Variants in OR5B3 observed in about 807,000 individuals in gnomAD.
OR5B3 encodes olfactory receptor family 5 subfamily B member 3.
For synonymous variants in OR5B3, 150 were observed against 135.0 expected, an observed-to-expected ratio of 1.11 and a Z score of -0.77; for missense variants, 430 against 375.4, an observed-to-expected ratio of 1.15 and a Z score of -1.20.
rs369221985 is a variant in OR5B3 at position 58,402,693 on chromosome 11, A to C, written c.717T>G (p.Cys239Trp). ...TGCCGACTGCAATGAAATGAGAGGC[A>C]CAGGTGGACAAAGGCTTCTGGTATA... ...ASVYQKPLSTCASHFIAVGIF... is the reference protein window; with the variant it reads ...ASVYQKPLSTWASHFIAVGIF... The change falls in exon 2 of 2, where the codon TGT becomes TGG. Residue 239 changes from cysteine (C) to tryptophan (W), a missense_variant. Coordinates refer to ENST00000641865, the MANE Select transcript of OR5B3 (RefSeq NM_001005469.2). 3.7e-6 allele frequency: 6 copies of C among 1,613,952 alleles called. No individual in the cohort carries two copies. The South Asian group carries it at 6.6e-5, about 18-fold the overall frequency.
intron 1 of OR5B3, among the ~76,000 whole-genome samples, chr11:58,404,720 T>C (rs1278592304): frequency 2.0e-5 from 3 of 152,150 alleles, no homozygotes; most frequent in Non-Finnish European, 4.4e-5. Context: ...CCATTCTTTC[T>C]CTTATTACTG....
chr11:58,403,960 C>T (rs962293180), intron 1 of OR5B3, among the ~76,000 whole-genome samples: 3 of 151,968 alleles, frequency 2.0e-5, no homozygotes, highest in Admixed American at 2.0e-4. Context: ...ACTTTTGAAC[C>T]CATGCTGAAT....
At chr11:58,405,334 C>T (rs938642575) in intron 1 of OR5B3, among the ~76,000 whole-genome samples, 1 of 152,108 alleles carries the variant, frequency 6.6e-6, no homozygotes, top group African/African-American at 2.4e-5. Context: ...AAGACAAATA[C>T]ATATGGTCAA....
chr11:58,406,199 G>C (rs1395752407), intron 1 of OR5B3, among the ~76,000 whole-genome samples: 2 of 151,718 alleles, frequency 1.3e-5, no homozygotes, highest in South Asian at 2.1e-4. Context: ...GAGAGAGAAA[G>C]AGAGAGAGAG....
chr11:58,405,693 A>G (rs1855089948), intron 1 of OR5B3, among the ~76,000 whole-genome samples: 1 of 152,120 alleles, frequency 6.6e-6, no homozygotes, highest in Non-Finnish European at 1.5e-5. Context: ...ACAGCTAATC[A>G]CCATGGCACA....
Position 58,402,478 on chromosome 11 carries a change from C to T in OR5B3, c.932G>A (p.Gly311Glu), listed in dbSNP as rs1248575976. The T allele has an allele frequency of 3.1e-6, 5 of 1,600,130 alleles. No individual in the cohort carries two copies. The highest frequency in any genetic ancestry group is 1.7e-5 in the Admixed American group (1 of 59,924). ...KVVEKAKLSV[G>E]WSV is the part of the protein sequence containing the mutation. ...CATCCCACAATGTTAAACTGACCAT[C>T]CTACAGACAATTTTGCCTTCTCAAC... The change falls in exon 2 of 2, where the codon GGA (glycine) becomes GAA (glutamate). Residue 311 changes from glycine (G) to glutamate (E), a missense_variant. By Grantham distance (98) the Gly-to-Glu change is moderately conservative. Transcript: ENST00000641865.
intron 1 of OR5B3, among the ~76,000 whole-genome samples, chr11:58,404,895 T>C (rs1044249525): frequency 1.3e-5 from 2 of 152,232 alleles, no homozygotes; most frequent in African/African-American, 4.8e-5. Context: ...TTTATTTTAA[T>C]GTTTTAAAAT....
At chr11:58,405,740 G>A (rs186101725) in intron 1 of OR5B3, among the ~76,000 whole-genome samples, 168 of 152,128 alleles carry the variant, frequency 1.1e-3, no homozygotes, top group Non-Finnish European at 1.6e-3. Flanking sequence ...TCCTGCACAC[G>A]TAGCCCTGAA....
Position 58,402,637 on chromosome 11 carries a change from A to C in OR5B3, c.773T>G (p.Leu258Ter). The C allele has an allele frequency of 6.2e-7, 1 of 1,614,014 alleles. No individual in the cohort carries two copies. The highest frequency in any genetic ancestry group is 8.5e-7 in the Non-Finnish European group (1 of 1,179,928). Residue 258 changes from leucine (L) to a stop codon, truncating the protein, a stop_gained, in exon 2 of 2, where the codon TTA becomes TGA. Transcript: ENST00000641865. LOFTEE classifies it low-confidence loss of function (END_TRUNC). ...IFYGTIIFMY[L>*]QPSSSHSMDT... ...CATGGAGTGACTGGAGCTGGGTTGT[A>C]AGTACATGAAGATAATAGTCCCATA... is the stretch of plus-strand genomic sequence containing the variant.
chr11:58,406,105 A>G (rs930080747), intron 1 of OR5B3, among the ~76,000 whole-genome samples: 1 of 152,176 alleles, frequency 6.6e-6, no homozygotes, highest in African/African-American at 2.4e-5. Flanking sequence ...CGCATTTAGC[A>G]TACACTATGT....
rs542283159 is a variant in OR5B3, at chr11:58,405,408, T to C, written c.-27+1393A>G. ...GTGGTACATATACACCATGGAATAC[T>C]ATGCAGCCATAAAAAAGAACGAGAT... On this transcript the variant is annotated intron_variant, in intron 1 of 1. Coordinates refer to ENST00000641865, the MANE Select transcript of OR5B3 (RefSeq NM_001005469.2). 2.6e-5 allele frequency among the ~76,000 whole-genome samples: 4 copies of C among 152,308 alleles called. No homozygotes were observed. The South Asian group carries it at 8.3e-4, about 32-fold the overall frequency.
chr11:58,404,093 G>C (rs1244785354), intron 1 of OR5B3, among the ~76,000 whole-genome samples: 2 of 152,084 alleles, frequency 1.3e-5, no homozygotes, highest in Non-Finnish European at 2.9e-5. Flanking sequence ...AAGTAAGCAA[G>C]TAATATATGC....
At chr11:58,403,504 T>C in intron 1 of OR5B3, 69 bp from the exon 2 acceptor site, 1 of 678,474 alleles carries the variant, frequency 1.5e-6, no homozygotes, top group South Asian at 2.5e-5. Context: ...ATAAGTACAA[T>C]ATGTATTCCT....
Position 58,406,494 on chromosome 11 carries a change from TG to T in OR5B3, c.-27+306del, listed in dbSNP as rs542267160. ...CATTTCACTTGTTTTTGTTTGTTTTTGGTTTTTTTTTTTACCACTCATGAGA... is the reference window on the plus strand; with the variant it reads ...CATTTCACTTGTTTTTGTTTGTTTTTGTTTTTTTTTTTACCACTCATGAGA... On this transcript the variant is annotated intron_variant, in intron 1 of 1. Transcript: ENST00000641865. 3.1e-3 allele frequency among the ~76,000 whole-genome samples: 471 copies of T among 151,128 alleles called. 3 individuals carry two copies. The highest frequency in any genetic ancestry group is 0.01 in the African/African-American group (419 of 41,352).
rs762209972 is a variant in OR5B3 at position 58,402,700 on chromosome 11, G to A, written c.710C>T (p.Ser237Phe). The A allele has an allele frequency of 1.2e-6, 2 of 1,613,894 alleles. No homozygotes were observed. Among genetic ancestry groups the A allele is most frequent in the South Asian group, 1.1e-5 (1 of 91,086 alleles). The change falls in exon 2 of 2, where the codon TCC becomes TTC. Residue 237 changes from serine (S) to phenylalanine (F), a missense_variant. By Grantham distance (155) the Ser-to-Phe change is radical (BLOSUM62 -2). Coordinates refer to ENST00000641865, the MANE Select transcript of OR5B3 (RefSeq NM_001005469.2). ...TGCAATGAAATGAGAGGCACAGGTGGACAAAGGCTTCTGGTATACTGAAGC... is the reference window on the plus strand; with the variant it reads ...TGCAATGAAATGAGAGGCACAGGTGAACAAAGGCTTCTGGTATACTGAAGC... ...HSASVYQKPL[S>F]TCASHFIAVG...
chr11:58,403,056 A>G lies in OR5B3; in HGVS notation c.354T>C (p.Tyr118=). The G allele has an allele frequency of 6.2e-7, 1 of 1,614,138 alleles. No individual in the cohort carries two copies. Among genetic ancestry groups the G allele is most frequent in the South Asian group, 1.1e-5 (1 of 91,088 alleles). ...GTTTGCACACTGCTGCATAGCGGTC[A>G]TAGGCCATTGAGGCCAAGAGGTAAT... ...VENYLLASMA[Y]DRYAAVCKPL... The change falls in exon 2 of 2, where the codon TAT becomes TAC. Residue 118 remains tyrosine, a synonymous_variant. Coordinates refer to ENST00000641865, the MANE Select transcript of OR5B3 (RefSeq NM_001005469.2).
intron 1 of OR5B3, among the ~76,000 whole-genome samples, chr11:58,406,221 T>C (rs886956870): frequency 1.3e-5 from 2 of 151,930 alleles, no homozygotes; most frequent in African/African-American, 4.8e-5. Context: ...TAGATAGTAT[T>C]ATTACTTTAT....
intron 1 of OR5B3, among the ~76,000 whole-genome samples, chr11:58,406,147 A>G (rs1855096128): frequency 6.6e-6 from 1 of 152,052 alleles, no homozygotes; most frequent in Admixed American, 6.6e-5. Flanking sequence ...TTTATATATA[A>G]ATAATGTGTG....
At chr11:58,406,064 G>C (rs977555267) in intron 1 of OR5B3, among the ~76,000 whole-genome samples, 1 of 152,074 alleles carries the variant, frequency 6.6e-6, no homozygotes. Flanking sequence ...ACCTATGAAG[G>C]TGTTATGTTG....
Sources: allele counts gnomAD v4.1 joint callset (sites outside exome capture counted in the v4.1 genomes callset), GRCh38; gene constraint gnomAD v4.1.1; transcripts MANE v1.5; gene names NCBI Gene and HGNC (gene_info 2026-07-23, HGNC 2026-07-21).